Variants in KALRN observed in about 807,000 individuals in gnomAD.
KALRN encodes kalirin.
KALRN carries 70 observed loss-of-function variants against 353.7 expected under a neutral mutation model. The observed-to-expected ratio is 0.20, with a 90% CI of 0.16 to 0.24. The LOEUF (loss-of-function observed/expected upper bound fraction) is 0.24, where lower values mean the gene tolerates loss of function less well. Ranked by LOEUF, KALRN falls within the 10% of genes least tolerant of loss-of-function variation. KALRN has a pLI of 1.00. For synonymous variants in KALRN, 1,391 were observed against 1,434.8 expected (o/e 0.97, Z 0.69); for missense variants, 2,791 against 3,756.7 (o/e 0.74, Z 6.72).
chr3:124,407,303 AAT>A (rs2091666697), intron 13 of KALRN, among the ~76,000 whole-genome samples: 1 of 151,996 alleles, frequency 6.6e-6, no homozygotes, highest in African/African-American at 2.4e-5. Flanking sequence ...TATTATTCAT[AAT>A]ATGTTTTCTT....
chr3:124,591,783 A>G lies in KALRN; in HGVS notation c.5182+28694A>G, dbSNP rs555673481. Among the ~76,000 whole-genome samples, 179 of 152,360 alleles carry G rather than the reference A, an allele frequency of 1.2e-3. 1 individual carries two copies. In the Middle Eastern group the frequency reaches 0.017, roughly 14 times the overall value. ...AATATCTGTAGGTCCAGTTGGTGGT[A>G]ACACTGTAAATGTAAGTTCCAAAGC... On this transcript the variant is annotated intron_variant, in intron 34 of 59. Transcript: ENST00000682506.
rs138278618 is a variant in KALRN, at chr3:124,678,267, G to A, written c.7271G>A (p.Gly2424Glu). 22 of 1,614,006 alleles carry A rather than the reference G, an allele frequency of 1.4e-5. No homozygotes were observed. In the East Asian group the frequency reaches 4.9e-4, roughly 36 times the overall value. Residue 2424 changes from glycine (G) to glutamate (E), a missense_variant, in exon 50 of 60, where the codon GGG becomes GAG. Transcript: ENST00000682506. The stretch of plus-strand genomic sequence containing the variant: ...AACACGGGTAAAAATGAAGCCACAG[G>A]GCCTCGTAAACCCAAGGATATTCTG... ...VENTGKNEAT[G>E]PRKPKDILGN...
chr3:124,206,661 T>G (rs2150449897), intron 1 of KALRN, among the ~76,000 whole-genome samples: 1 of 152,350 alleles, frequency 6.6e-6, no homozygotes, highest in South Asian at 2.1e-4. Context: ...GACTAAGATT[T>G]CATCTAAGTT....
At chr3:124,653,601 C>T (rs1452138343) in intron 38 of KALRN, among the ~76,000 whole-genome samples, 2 of 152,148 alleles carry the variant, frequency 1.3e-5, no homozygotes, top group East Asian at 1.9e-4. Context: ...GCACAAAGAC[C>T]GGGGGAGGTA....
At position 124,721,243 on chromosome 3, in the gene KALRN, T is replaced by G. The variant is rs1339332043; in HGVS notation, c.*1773T>G. ...CCCTCCACCTCATCCCATCCAAGATTATAGATTGATAAATTAATGGAAAGT... is the reference window on the plus strand; with the variant it reads ...CCCTCCACCTCATCCCATCCAAGATGATAGATTGATAAATTAATGGAAAGT... On this transcript the variant is annotated 3_prime_UTR_variant, in exon 60 of 60. Transcript: ENST00000682506. 6.6e-6 allele frequency: 1 copy of G among 152,138 alleles called. No individual in the cohort carries two copies. The highest frequency in any genetic ancestry group is 6.5e-5 in the Admixed American group (1 of 15,276). 9.4% of individuals were successfully genotyped at this position (152,138 alleles called of 1,614,324 possible). A position where few individuals can be genotyped will look rare whatever the true frequency, so the allele number is the denominator to read the frequency against.
rs1553768422 is a variant in KALRN, at chr3:124,110,469, GCACACACA to G, written c.73+76677_73+76684del. 3.9e-4 allele frequency among the ~76,000 whole-genome samples: 52 copies of G among 134,050 alleles called. No homozygotes were observed. In the East Asian group the frequency reaches 7.6e-3, roughly 20 times the overall value. The allele number at this position is 134,050 out of a possible 152,430, so 87.9% of individuals were successfully genotyped here. On this transcript the variant is annotated intron_variant, in intron 1 of 59. Transcript: ENST00000682506. Reference sequence around the variant, plus strand: ...ATATATTTCATATATACACACGCGCGCACACACACACACACACACACACACACATTGTG... The same window carrying G: ...ATATATTTCATATATACACACGCGCGCACACACACACACACACACATTGTG...
At chr3:124,311,354 T>G (rs1294924106) in intron 6 of KALRN, among the ~76,000 whole-genome samples, 1 of 150,538 alleles carries the variant, frequency 6.6e-6, no homozygotes, top group Non-Finnish European at 1.5e-5. Context: ...TCCCAGCTAC[T>G]GGGGAGGGCG....
At chr3:124,705,636 T>C (rs1235428179) in intron 57 of KALRN, among the ~76,000 whole-genome samples, 2 of 152,190 alleles carry the variant, frequency 1.3e-5, no homozygotes, top group Non-Finnish European at 2.9e-5. Flanking sequence ...AACTGATGTC[T>C]GTGTTCAGCC....
chr3:124,397,598 G>T (rs1334525751), intron 12 of KALRN, among the ~76,000 whole-genome samples: 1 of 152,138 alleles, frequency 6.6e-6, no homozygotes, highest in Non-Finnish European at 1.5e-5. Context: ...CTTACTCAAG[G>T]CCCTATGGAA....
chr3:124,588,788 T>C (rs2149338261), intron 34 of KALRN, among the ~76,000 whole-genome samples: 1 of 152,324 alleles, frequency 6.6e-6, no homozygotes, highest in East Asian at 1.9e-4. Flanking sequence ...AGTCCCCTTT[T>C]GAAAGCTTTT....
At chr3:124,422,033 A>G (rs1055735317) in intron 14 of KALRN, among the ~76,000 whole-genome samples, 8 of 152,236 alleles carry the variant, frequency 5.3e-5, no homozygotes, top group Non-Finnish European at 1.5e-5. Flanking sequence ...TGACTGGCTG[A>G]GCTTACTAAT....
chr3:124,529,793 GA>G (rs372015719), intron 33 of KALRN, among the ~76,000 whole-genome samples: 3,708 of 135,836 alleles, frequency 0.027, 75 homozygotes, highest in East Asian at 0.11. Flanking sequence ...TGGGAAGATG[GA>G]AAAAAAAAAA....
At chr3:124,581,789 T>C (rs1389212049) in intron 34 of KALRN, among the ~76,000 whole-genome samples, 1 of 152,196 alleles carries the variant, frequency 6.6e-6, no homozygotes, top group East Asian at 1.9e-4. Flanking sequence ...AGTTAATTTT[T>C]ACAGACAGTT....
intron 51 of KALRN, among the ~76,000 whole-genome samples, chr3:124,684,975 C>A (rs1265978132): frequency 6.6e-6 from 1 of 152,122 alleles, no homozygotes; most frequent in South Asian, 2.1e-4. Context: ...GCTACTCTGG[C>A]CTCCTTATCC....
chr3:124,432,358 G>A (rs767615425), intron 16 of KALRN, among the ~76,000 whole-genome samples: 2 of 152,182 alleles, frequency 1.3e-5, no homozygotes, highest in Admixed American at 1.3e-4. Context: ...AAGTCGCAGT[G>A]AGCTGAGATT....
chr3:124,413,599 A>G lies in KALRN; in HGVS notation c.2476A>G (p.Met826Val). Residue 826 changes from methionine (M) to valine (V), a missense_variant, in exon 14 of 60, where the codon ATG becomes GTG. Met to Val is a conservative substitution (Grantham distance 21). This residue lies in a region of KALRN where 452 missense variants were observed against 575.8 expected (regional missense o/e 0.78). Transcript: ENST00000682506. ...HTERKLAMNN[M>V]TFEVIQQGQD... Reference sequence around the variant, plus strand: ...AGAACGGAAGCTAGCCATGAACAACATGACCTTTGAGGTTATCCAGCAGGG... The same window carrying G: ...AGAACGGAAGCTAGCCATGAACAACGTGACCTTTGAGGTTATCCAGCAGGG... 6.2e-7 allele frequency: 1 copy of G among 1,614,160 alleles called. No homozygotes were observed. The highest frequency in any genetic ancestry group is 8.5e-7 in the Non-Finnish European group (1 of 1,180,020).
chr3:124,592,605 T>C (rs1481543462), intron 34 of KALRN, among the ~76,000 whole-genome samples: 2 of 152,352 alleles, frequency 1.3e-5, no homozygotes, highest in African/African-American at 4.8e-5. Flanking sequence ...AGACTGTTTT[T>C]GCCTAGATAA....
chr3:124,455,640 G>C (rs1472793014), intron 22 of KALRN, among the ~76,000 whole-genome samples: 1 of 152,176 alleles, frequency 6.6e-6, no homozygotes, highest in Non-Finnish European at 1.5e-5. Flanking sequence ...TCTGTATAGA[G>C]TTAACTGTTG....
At chr3:124,152,740 C>T (rs1175548548) in intron 1 of KALRN, among the ~76,000 whole-genome samples, 2 of 151,602 alleles carry the variant, frequency 1.3e-5, no homozygotes, top group Admixed American at 6.6e-5. Context: ...ATTACAGGCT[C>T]CTGCTACTGT....
Sources: allele counts gnomAD v4.1 joint callset (sites outside exome capture counted in the v4.1 genomes callset), GRCh38; gene constraint gnomAD v4.1.1; regional missense constraint gnomAD v4.1.1; transcripts MANE v1.5; gene names NCBI Gene and HGNC (gene_info 2026-07-23, HGNC 2026-07-21).